CDKAL1: variants seen among roughly 807,000 people sequenced by gnomAD.
The protein encoded by CDKAL1 is CDKAL1 threonylcarbamoyladenosine tRNA methylthiotransferase, also known as threonylcarbamoyladenosine tRNA methylthiotransferase.
Under a neutral mutation model 68.2 loss-of-function variants are expected in CDKAL1, and 32 were observed. The ratio of observed to expected loss-of-function variants is 0.47; its 90% CI spans 0.35 to 0.63. The LOEUF (loss-of-function observed/expected upper bound fraction) is 0.63, where lower values mean the gene tolerates loss of function less well. Among genes scored for constraint, CDKAL1 ranks in the 30% least tolerant of loss-of-function variants. The probability of loss-of-function intolerance (pLI) is 0.00; values close to 1 mark genes in which losing one functional copy is unlikely to be tolerated. For missense variants in CDKAL1, 606 were observed against 696.7 expected (o/e 0.87, Z 1.47); for synonymous variants, 234 against 244.3 (o/e 0.96, Z 0.39).
chr6:21,181,069 G>A (rs1044931681), intron 13 of CDKAL1, among the ~76,000 whole-genome samples: 9 of 152,196 alleles, frequency 5.9e-5, no homozygotes, highest in African/African-American at 1.9e-4. Flanking sequence ...CAGACAGAAA[G>A]AATGCATGCA....
chr6:21,177,429 T>A (rs186947854), intron 13 of CDKAL1, among the ~76,000 whole-genome samples: 2 of 152,346 alleles, frequency 1.3e-5, no homozygotes, highest in African/African-American at 4.8e-5. Flanking sequence ...TACCTCTGCA[T>A]TGTAATGATT....
rs560909301 is a variant in CDKAL1 at position 21,054,450 on chromosome 6, G to A, written c.1056-10598G>A. On this transcript the variant is annotated intron_variant, in intron 11 of 15. Transcript: ENST00000274695. Reference sequence around the variant, plus strand: ...ATTATTTCAAGTCATTTGTATTTCCGCATACATTTTAAGCACAGCTTGTCA... The same window carrying A: ...ATTATTTCAAGTCATTTGTATTTCCACATACATTTTAAGCACAGCTTGTCA... 1.1e-3 allele frequency among the ~76,000 whole-genome samples: 165 copies of A among 151,600 alleles called. 5 individuals carry two copies. The South Asian group carries it at 0.032, about 29-fold the overall frequency.
chr6:20,994,063 C>T (rs1766978596), intron 10 of CDKAL1, among the ~76,000 whole-genome samples: 1 of 152,202 alleles, frequency 6.6e-6, no homozygotes, highest in Non-Finnish European at 1.5e-5. Context: ...ACTCACCCAG[C>T]TCAGAGCACC....
rs1386724044 is a variant in CDKAL1 at position 21,231,878 on chromosome 6, GGA to G, written c.*843_*844del. Reference sequence around the variant, plus strand: ...ACCTGAATGCTTTTGGAATGCACGGGGAGAGTCTGCCAGCTAAAGGACTCCTG... The same window carrying G: ...ACCTGAATGCTTTTGGAATGCACGGGGAGTCTGCCAGCTAAAGGACTCCTG... On this transcript the variant is annotated 3_prime_UTR_variant, in exon 16 of 16. Coordinates refer to ENST00000274695, the MANE Select transcript of CDKAL1 (RefSeq NM_017774.3). 6.6e-6 allele frequency: 1 copy of G among 152,146 alleles called. No individual in the cohort carries two copies. The highest frequency in any genetic ancestry group is 1.5e-5 in the Non-Finnish European group (1 of 68,036). 9.4% of individuals were successfully genotyped at this position (152,146 alleles called of 1,614,324 possible). A position where few individuals can be genotyped will look rare whatever the true frequency, so the allele number is the denominator to read the frequency against.
chr6:20,860,086 C>A (rs1374326403), intron 9 of CDKAL1, among the ~76,000 whole-genome samples: 1 of 151,290 alleles, frequency 6.6e-6, no homozygotes. Context: ...TTCTTTTTTT[C>A]TTTTCTTTTG....
chr6:20,878,884 G>C (rs1041506936), intron 9 of CDKAL1, among the ~76,000 whole-genome samples: 1 of 151,882 alleles, frequency 6.6e-6, no homozygotes, highest in Non-Finnish European at 1.5e-5. Flanking sequence ...TTCAAGACCA[G>C]CCTGGCCAAC....
chr6:20,743,887 G>A (rs531055301), intron 6 of CDKAL1, among the ~76,000 whole-genome samples: 1 of 152,132 alleles, frequency 6.6e-6, no homozygotes, highest in Non-Finnish European at 1.5e-5. Flanking sequence ...TGTATGTCTT[G>A]AATAAAAAGT....
chr6:20,588,873 T>TA (rs1765480427), intron 4 of CDKAL1, among the ~76,000 whole-genome samples: 1 of 152,172 alleles, frequency 6.6e-6, no homozygotes, highest in Non-Finnish European at 1.5e-5. Flanking sequence ...AATTAATCAA[T>TA]ATGTCTCCAG....
intron 10 of CDKAL1, 67 bp from the exon 11 acceptor site, chr6:21,000,160 T>C: frequency 7.8e-7 from 1 of 1,282,514 alleles, no homozygotes; most frequent in Middle Eastern, 1.9e-4. Flanking sequence ...CTTGTGGTGT[T>C]GATGTGAGGA....
chr6:21,153,084 T>C (rs1776489384), intron 13 of CDKAL1, among the ~76,000 whole-genome samples: 1 of 152,228 alleles, frequency 6.6e-6, no homozygotes, highest in Non-Finnish European at 1.5e-5. Flanking sequence ...AAAATTCATT[T>C]TTATATGAAT....
chr6:20,845,003 ATGTAT>A, intron 8 of CDKAL1, among the ~76,000 whole-genome samples: 1 of 152,334 alleles, frequency 6.6e-6, no homozygotes, highest in East Asian at 1.9e-4. Flanking sequence ...ACGTTTTAAA[ATGTAT>A]GTTACTTTAC....
chr6:20,598,237 A>T (rs74487640), intron 4 of CDKAL1, among the ~76,000 whole-genome samples: 2 of 152,214 alleles, frequency 1.3e-5, no homozygotes, highest in African/African-American at 2.4e-5. Context: ...TTACATTCTT[A>T]TATTTGTGAT....
At chr6:21,093,894 CT>C (rs33945169) in intron 12 of CDKAL1, among the ~76,000 whole-genome samples, 9,557 of 110,884 alleles carry the variant, frequency 0.086, 290 homozygotes, top group African/African-American at 0.12. Flanking sequence ...CCACACCTGG[CT>C]TTTTTTTTTT....
intron 13 of CDKAL1, among the ~76,000 whole-genome samples, chr6:21,174,413 T>C (rs1777503465): frequency 6.6e-6 from 1 of 152,092 alleles, no homozygotes; most frequent in African/African-American, 2.4e-5. Context: ...ACATAATGAA[T>C]GAGGGTAAAC....
intron 15 of CDKAL1, among the ~76,000 whole-genome samples, chr6:21,205,656 G>A (rs1340654220): frequency 1.3e-5 from 2 of 150,054 alleles, no homozygotes; most frequent in Admixed American, 6.7e-5. Flanking sequence ...GCAGCCTCCC[G>A]AGTAGCTGGG....
intron 13 of CDKAL1, among the ~76,000 whole-genome samples, chr6:21,162,718 G>A (rs1017606355): frequency 2.2e-4 from 34 of 151,924 alleles, no homozygotes; most frequent in African/African-American, 8.2e-4. Flanking sequence ...GGAGCCCAGG[G>A]GTTTGAGACC....
intron 10 of CDKAL1, among the ~76,000 whole-genome samples, chr6:20,990,636 C>T (rs912186037): frequency 5.3e-5 from 8 of 152,166 alleles, no homozygotes; most frequent in African/African-American, 1.7e-4. Context: ...TCCTTTCTTG[C>T]GCTCCCTCAT....
At chr6:20,716,658 T>A (rs1772110217) in intron 5 of CDKAL1, among the ~76,000 whole-genome samples, 1 of 149,254 alleles carries the variant, frequency 6.7e-6, no homozygotes, top group African/African-American at 2.5e-5. Context: ...AGAAGAGGAG[T>A]TTTTCTGTTT....
At chr6:20,606,397 C>T (rs76438533) in intron 4 of CDKAL1, among the ~76,000 whole-genome samples, 139 of 152,226 alleles carry the variant, frequency 9.1e-4, no homozygotes, top group African/African-American at 3.3e-3. Context: ...AATAGTAGAA[C>T]ATAGAGAAGA....
Sources: gnomAD v4.1 joint callset for allele counts (sites outside exome capture counted in the v4.1 genomes callset) on GRCh38, gnomAD v4.1.1 for gene constraint, MANE v1.5 for transcripts, NCBI Gene and HGNC (gene_info 2026-07-23, HGNC 2026-07-21) for gene names.